ZNF362: variants seen among roughly 807,000 people sequenced by gnomAD.
ZNF362 encodes the protein rotund homolog.
A neutral mutation model predicts 42.9 loss-of-function variants in ZNF362; 11 were observed. The ratio of observed to expected loss-of-function variants is 0.26; its 90% confidence interval spans 0.16 to 0.42. ZNF362 has a LOEUF of 0.42. Among genes scored for constraint, ZNF362 ranks in the 20% least tolerant of loss-of-function variants. The pLI, the probability that ZNF362 is intolerant of heterozygous loss-of-function variation, is 1.00. For missense variants in ZNF362, 362 were observed against 576.2 expected, an observed-to-expected ratio of 0.63 and a Z score of 3.81; for synonymous variants, 255 against 257.3, an observed-to-expected ratio of 0.99 and a Z score of 0.09.
At chr1:33,194,918 T>G in the ZNF362 span, 2 of 151,802 alleles carry the variant, frequency 1.3e-5, no homozygotes, top group Non-Finnish European at 2.9e-5. Flanking sequence ...GAAATAATGA[T>G]GAAGGATTTT....
chr1:33,227,067 G>C, the ZNF362 span, among the ~76,000 whole-genome samples: 4 of 152,116 alleles, frequency 2.6e-5, no homozygotes, highest in African/African-American at 7.2e-5. Context: ...AGGGTACAAG[G>C]TTTCTTTTTT....
chr1:33,158,438 G>A, the ZNF362 span: 7 of 1,270,908 alleles, frequency 5.5e-6, no homozygotes, highest in Non-Finnish European at 8.0e-6. Context: ...GGGCCCCGCA[G>A]CCACCTTCAG....
At chr1:33,185,518 G>A in the ZNF362 span, among the ~76,000 whole-genome samples, 38 of 152,194 alleles carry the variant, frequency 2.5e-4, no homozygotes, top group East Asian at 2.9e-3. Context: ...CACCGTGCCC[G>A]ACCCAGTCTC....
the ZNF362 span, among the ~76,000 whole-genome samples, chr1:33,191,583 C>T: frequency 3.9e-5 from 6 of 152,148 alleles, no homozygotes; most frequent in Non-Finnish European, 7.4e-5. Context: ...TGGTTCACTG[C>T]AACCACTGCC....
intron 1 of ZNF362, among the ~76,000 whole-genome samples, chr1:33,262,033 G>A (rs183457763): frequency 2.6e-5 from 4 of 152,324 alleles, no homozygotes; most frequent in African/African-American, 7.2e-5. Context: ...TGCATTGGGA[G>A]TTGGTTGGGG....
chr1:33,215,839 T>C, the ZNF362 span, among the ~76,000 whole-genome samples: 2 of 151,422 alleles, frequency 1.3e-5, no homozygotes, highest in African/African-American at 4.9e-5. Context: ...TCACGAATTT[T>C]TTGAAAAAGG....
the ZNF362 span, among the ~76,000 whole-genome samples, chr1:33,201,809 A>G: frequency 6.6e-6 from 1 of 152,240 alleles, no homozygotes; most frequent in African/African-American, 2.4e-5. Flanking sequence ...GATACAGAAC[A>G]TCAATGACAA....
the ZNF362 span, among the ~76,000 whole-genome samples, chr1:33,199,375 T>G: frequency 1.3e-5 from 2 of 152,226 alleles, no homozygotes; most frequent in African/African-American, 4.8e-5. Flanking sequence ...ACAACATCTT[T>G]AAAGTACTGA....
chr1:33,245,804 G>C, the ZNF362 span, among the ~76,000 whole-genome samples: 6 of 152,292 alleles, frequency 3.9e-5, no homozygotes, highest in East Asian at 1.2e-3. Context: ...GCTGGGTATG[G>C]TGGCATGTGC....
chr1:33,298,008 G>A (rs954383882), intron 8 of ZNF362, among the ~76,000 whole-genome samples: 1 of 152,152 alleles, frequency 6.6e-6, no homozygotes, highest in African/African-American at 2.4e-5. Context: ...CACATTTGAG[G>A]GCTTCCTCTG....
the ZNF362 span, among the ~76,000 whole-genome samples, chr1:33,226,241 T>A: frequency 3.9e-5 from 6 of 152,186 alleles, no homozygotes; most frequent in Admixed American, 2.6e-4. Flanking sequence ...TATTTTGTTG[T>A]CCCATTTTGC....
chr1:33,174,071 G>A, the ZNF362 span, among the ~76,000 whole-genome samples: 1 of 152,026 alleles, frequency 6.6e-6, no homozygotes, highest in Non-Finnish European at 1.5e-5. Flanking sequence ...ACCATTTTTA[G>A]GTGTACAATT....
At chr1:33,185,667 C>T in the ZNF362 span, among the ~76,000 whole-genome samples, 1 of 152,214 alleles carries the variant, frequency 6.6e-6, no homozygotes. Flanking sequence ...ATTGCTCTCT[C>T]CACATCTGAT....
At chr1:33,208,830 G>A in the ZNF362 span, among the ~76,000 whole-genome samples, 1 of 152,170 alleles carries the variant, frequency 6.6e-6, no homozygotes, top group Non-Finnish European at 1.5e-5. Context: ...GGGCTGAGAT[G>A]ATGGGGTTTT....
chr1:33,210,580 A>G, the ZNF362 span, among the ~76,000 whole-genome samples: 93 of 152,210 alleles, frequency 6.1e-4, no homozygotes, highest in African/African-American at 2.1e-3. Flanking sequence ...GTGGGTCTCT[A>G]AGAACTTGCT....
the ZNF362 span, among the ~76,000 whole-genome samples, chr1:33,209,491 A>T: frequency 6.6e-6 from 1 of 152,218 alleles, no homozygotes; most frequent in Admixed American, 6.5e-5. Flanking sequence ...TAATTTCAGA[A>T]GGAATGATAC....
rs556058139 is a variant in ZNF362, at chr1:33,299,355, T to G, written c.*309T>G. ...CACTGTTTTTTTTTTTTTCGTTTTT[T>G]TTTTTTAAGTTTGTTTTGGAAATAA... On this transcript the variant is annotated 3_prime_UTR_variant, in exon 9 of 9. Coordinates refer to ENST00000539719, the MANE Select transcript of ZNF362 (RefSeq NM_152493.3). The G allele has an allele frequency of 1.6e-4, 43 of 270,534 alleles. No individual in the cohort carries two copies. The highest frequency in any genetic ancestry group is 9.4e-4 in the African/African-American group (43 of 45,626). The allele number at this position is 270,534 out of a possible 1,614,324, so 16.8% of individuals were successfully genotyped here.
chr1:33,127,917 G>A, the ZNF362 span, among the ~76,000 whole-genome samples: 1 of 152,090 alleles, frequency 6.6e-6, no homozygotes, highest in Non-Finnish European at 1.5e-5. Flanking sequence ...TTAATGACAA[G>A]GACTCCTACC....
At chr1:33,138,854 G>A in the ZNF362 span, among the ~76,000 whole-genome samples, 1 of 152,122 alleles carries the variant, frequency 6.6e-6, no homozygotes, top group Non-Finnish European at 1.5e-5. Flanking sequence ...ATTTGTAGGA[G>A]CCTGAGGAGC....
Sources: gnomAD v4.1 joint callset for allele counts (sites outside exome capture counted in the v4.1 genomes callset) on GRCh38, gnomAD v4.1.1 for gene constraint, MANE v1.5 for transcripts, NCBI Gene and HGNC (gene_info 2026-07-23, HGNC 2026-07-21) for gene names.